The following SLC48A1 variants were observed in gnomAD, a reference collection of about 807,000 sequenced individuals.
SLC48A1 encodes the protein solute carrier family 48 member 1, also known as heme transporter HRG1.
Under a neutral mutation model 14.8 loss-of-function variants are expected in SLC48A1, and 6 were observed. The ratio of observed to expected loss-of-function variants is 0.41; its 90% CI spans 0.22 to 0.80. The LOEUF is 0.80. SLC48A1 is among the 30% of genes least tolerant of loss of function. The pLI, the probability that SLC48A1 is intolerant of heterozygous loss-of-function variation, is 0.34. For missense variants in SLC48A1, 165 were observed against 204.8 expected, an observed-to-expected ratio of 0.81 and a Z score of 1.19; for synonymous variants, 89 against 90.0, an observed-to-expected ratio of 0.99 and a Z score of 0.06.
upstream of SLC48A1, among the ~76,000 whole-genome samples, chr12:47,757,457 AG>A (rs1942142769): frequency 6.6e-6 from 1 of 152,154 alleles, no homozygotes; most frequent in Admixed American, 6.5e-5. Context: ...AACTCACTAA[AG>A]GAGAATGTTG....
intron 1 of SLC48A1, among the ~76,000 whole-genome samples, chr12:47,773,967 C>A (rs1942686524): frequency 6.6e-6 from 1 of 152,244 alleles, no homozygotes. Context: ...TCCCTCCTTC[C>A]AGAGGGCTCC....
At chr12:47,758,009 G>A (rs772984385), upstream of SLC48A1, 7 of 1,574,938 alleles carry the variant, frequency 4.4e-6, no homozygotes, top group East Asian at 2.3e-5. Context: ...CCCACCCGCG[G>A]TGCTCCCAGA....
At chr12:47,779,425 A>G (rs1398069570) in intron 2 of SLC48A1, among the ~76,000 whole-genome samples, 1 of 152,128 alleles carries the variant, frequency 6.6e-6, no homozygotes, top group Non-Finnish European at 1.5e-5. Context: ...TAGCCCATAC[A>G]AGCACTCCTG....
intron 2 of SLC48A1, among the ~76,000 whole-genome samples, chr12:47,779,410 G>A (rs1346666930): frequency 6.6e-6 from 1 of 152,224 alleles, no homozygotes. Context: ...GTCTTGAGCA[G>A]TGCATAGCCC....
At position 47,780,966 on chromosome 12, in the gene SLC48A1, T is replaced by A. The variant is rs770345167; in HGVS notation, c.*685T>A. The A allele has an allele frequency of 1.9e-6, 1 of 527,302 alleles. No individual in the cohort carries two copies. Among genetic ancestry groups the A allele is most frequent in the Non-Finnish European group, 3.9e-6 (1 of 257,796 alleles). 32.7% of individuals were successfully genotyped at this position (527,302 alleles called of 1,614,324 possible). On this transcript the variant is annotated 3_prime_UTR_variant, in exon 3 of 3. Coordinates refer to ENST00000442218, the MANE Select transcript of SLC48A1 (RefSeq NM_017842.3). ...TGTAGGGCCATGAGGCCTGGACCTATGCTGCAGGCAAGGGTTTCCATCCCC... is the reference window on the plus strand; with the variant it reads ...TGTAGGGCCATGAGGCCTGGACCTAAGCTGCAGGCAAGGGTTTCCATCCCC...
At chr12:47,759,450 A>T (rs1435115647) in intron 1 of SLC48A1, among the ~76,000 whole-genome samples, 1 of 63,860 alleles carries the variant, frequency 1.6e-5, no homozygotes, top group Non-Finnish European at 3.5e-5. Flanking sequence ...AGTTGAGGAA[A>T]CTGAGGCTGG....
upstream of SLC48A1, among the ~76,000 whole-genome samples, chr12:47,767,956 G>T (rs555259901): frequency 3.3e-5 from 5 of 152,236 alleles, no homozygotes; most frequent in African/African-American, 1.2e-4. Context: ...CCATGTTCTG[G>T]TTGTTATTTT....
rs1215511880 is a variant in SLC48A1, at chr12:47,777,027, T to C, written c.137-2001T>C. ...TCCAGACAGGTGCCCATCAGACTGCTCCTTGAGTGTGCTCAGTGACAACAC... is the reference window on the plus strand; with the variant it reads ...TCCAGACAGGTGCCCATCAGACTGCCCCTTGAGTGTGCTCAGTGACAACAC... On this transcript the variant is annotated intron_variant, in intron 1 of 2. Coordinates refer to ENST00000442218, the MANE Select transcript of SLC48A1 (RefSeq NM_017842.3). This position sits in a 1 kb window ranked among gnomAD's most constrained non-coding sequence, Gnocchi z 4.5. Among the ~76,000 whole-genome samples, 1 of 152,152 alleles carries C rather than the reference T, an allele frequency of 6.6e-6. No individual in the cohort carries two copies. Among genetic ancestry groups the C allele is most frequent in the Non-Finnish European group, 1.5e-5 (1 of 68,024 alleles).
At chr12:47,770,895 C>T (rs1592602895), upstream of SLC48A1, 1 of 456,690 alleles carries the variant, frequency 2.2e-6, no homozygotes, top group African/African-American at 2.0e-5. Context: ...TCCCTCTGCG[C>T]CATCACACGT....
In SLC48A1 at chr12:47,780,955, G is replaced by A. The variant is rs1221348963; in HGVS notation, c.*674G>A. 1.9e-6 allele frequency: 1 copy of A among 531,252 alleles called. No individual in the cohort carries two copies. The highest frequency in any genetic ancestry group is 2.0e-5 in the Admixed American group (1 of 51,280). 32.9% of individuals were successfully genotyped at this position (531,252 alleles called of 1,614,324 possible). On this transcript the variant is annotated 3_prime_UTR_variant, in exon 3 of 3. Transcript: ENST00000442218. ...AGAGGTCAAGGTGTAGGGCCATGAG[G>A]CCTGGACCTATGCTGCAGGCAAGGG...
upstream of SLC48A1, chr12:47,757,830 C>T: frequency 1.3e-6 from 2 of 1,528,818 alleles, no homozygotes; most frequent in Non-Finnish European, 1.8e-6. Context: ...AGCTCTGGTA[C>T]TGGCCCTGGC....
chr12:47,761,253 G>A (rs1461012868), intron 2 of SLC48A1, among the ~76,000 whole-genome samples: 3 of 151,696 alleles, frequency 2.0e-5, no homozygotes, highest in Non-Finnish European at 4.4e-5. Context: ...GAGGTGTGGG[G>A]GAGCCTCAGG....
chr12:47,755,377 A>C (rs368894754), upstream of SLC48A1, among the ~76,000 whole-genome samples: 10 of 152,170 alleles, frequency 6.6e-5, no homozygotes, highest in African/African-American at 2.4e-4. Context: ...CTGTATAACT[A>C]TTAACTACTA....
At position 47,780,546 on chromosome 12, in the gene SLC48A1, T is replaced by A. The variant is rs1942845496; in HGVS notation, c.*265T>A. ...TTAGACCTTTTCAAATGAATCTGTT[T>A]TCTTTTCTTTCTTTTTTTTTTCTTT... On this transcript the variant is annotated 3_prime_UTR_variant, in exon 3 of 3. Coordinates refer to ENST00000442218, the MANE Select transcript of SLC48A1 (RefSeq NM_017842.3). 1.4e-6 allele frequency: 1 copy of A among 699,982 alleles called. No individual in the cohort carries two copies. Among genetic ancestry groups the A allele is most frequent in the African/African-American group, 1.8e-5 (1 of 55,960 alleles). 43.4% of individuals were successfully genotyped at this position (699,982 alleles called of 1,614,324 possible). A position where few individuals can be genotyped will look rare whatever the true frequency, so the allele number is the denominator to read the frequency against.
chr12:47,764,870 A>G (rs1942478046), intron 2 of SLC48A1, among the ~76,000 whole-genome samples: 1 of 152,080 alleles, frequency 6.6e-6, no homozygotes, highest in Admixed American at 6.5e-5. Flanking sequence ...CGAGGTCAAG[A>G]GATCGAGACC....
chr12:47,775,487 T>C (rs1942730138), intron 1 of SLC48A1, among the ~76,000 whole-genome samples: 1 of 152,062 alleles, frequency 6.6e-6, no homozygotes, highest in African/African-American at 2.4e-5. Flanking sequence ...TGCTTGGTAG[T>C]GGTGGTGGTG....
At chr12:47,755,346 A>C (rs768728216), upstream of SLC48A1, among the ~76,000 whole-genome samples, 1 of 152,220 alleles carries the variant, frequency 6.6e-6, no homozygotes, top group South Asian at 2.1e-4. Context: ...ACCTCTTTCA[A>C]TAATGTCTGG....
In SLC48A1 at chr12:47,780,440, G is replaced by A. The variant is rs191740517; in HGVS notation, c.*159G>A. ...GGTCTCCCAGGAAGCTGTCCTGCCC[G>A]TCCCCTTTCGAGGAAACCTGAGTGT... On this transcript the variant is annotated 3_prime_UTR_variant, in exon 3 of 3. Transcript: ENST00000442218. The A allele has an allele frequency of 1.4e-4, 160 of 1,163,774 alleles. No individual in the cohort carries two copies. The highest frequency in any genetic ancestry group is 1.9e-4 in the Non-Finnish European group (150 of 769,606). The allele number at this position is 1,163,774 out of a possible 1,614,324, so 72.1% of individuals were successfully genotyped here.
upstream of SLC48A1, among the ~76,000 whole-genome samples, chr12:47,754,270 A>T (rs1941924148): frequency 6.6e-6 from 1 of 152,250 alleles, no homozygotes; most frequent in South Asian, 2.1e-4. Flanking sequence ...ATAGGCACAG[A>T]CAGTAGAGGT....
Sources: allele counts gnomAD v4.1 joint callset (sites outside exome capture counted in the v4.1 genomes callset), GRCh38; gene constraint gnomAD v4.1.1; non-coding constraint Gnocchi (gnomAD v3.1); transcripts MANE v1.5; gene names NCBI Gene and HGNC (gene_info 2026-07-23, HGNC 2026-07-21).